HERC5: variants seen among roughly 807,000 people sequenced by gnomAD.
The protein encoded by HERC5 is HECT and RLD domain containing E3 ubiquitin protein ligase 5.
A neutral mutation model predicts 119.6 loss-of-function variants in HERC5; 99 were observed. The observed-to-expected ratio is 0.83, with a 90% confidence interval of 0.70 to 0.98. The LOEUF (loss-of-function observed/expected upper bound fraction) is 0.98. Among genes scored for constraint, HERC5 ranks in the 50% least tolerant of loss-of-function variants. The pLI, the probability that HERC5 is intolerant of heterozygous loss-of-function variation, is 0.00. For synonymous variants in HERC5, 478 were observed against 445.9 expected (o/e 1.07, Z -0.91); for missense variants, 1,267 against 1,241.3 (o/e 1.02, Z -0.31).
intron 13 of HERC5, among the ~76,000 whole-genome samples, chr4:88,481,875 C>T (rs1741287764): frequency 6.6e-6 from 1 of 152,146 alleles, no homozygotes; most frequent in Non-Finnish European, 1.5e-5. Context: ...AAATGGAGGC[C>T]TAAAAAGGTT....
chr4:88,466,282 A>AT (rs1300837002), intron 6 of HERC5, among the ~76,000 whole-genome samples: 1 of 152,028 alleles, frequency 6.6e-6, no homozygotes, highest in African/African-American at 2.4e-5. Flanking sequence ...GGGTCTCCTT[A>AT]TATTGGCCAG....
rs767942194 is a variant in HERC5, at chr4:88,457,485, C to T, written c.216C>T (p.Gly72=). 1.5e-6 allele frequency: 2 copies of T among 1,319,262 alleles called. No homozygotes were observed. The highest frequency in any genetic ancestry group is 1.9e-6 in the Non-Finnish European group (2 of 1,035,244). 81.7% of individuals were successfully genotyped at this position (1,319,262 alleles called of 1,614,324 possible). ...RLAVLERGGA[G]VQVHQLLAGS... is the part of the protein sequence containing the mutation. ...CGGTCTTGGAACGCGGCGGGGCGGG[C>T]GTCCAGGTTCACCAGCTGCTCGCCG... The change falls in exon 1 of 23, where the codon GGC becomes GGT. Residue 72 remains glycine (G), a synonymous_variant. Transcript: ENST00000264350.
At chr4:88,458,397 G>GTT (rs550662608) in intron 1 of HERC5, among the ~76,000 whole-genome samples, 4 of 145,726 alleles carry the variant, frequency 2.7e-5, no homozygotes, top group Admixed American at 6.9e-5. Flanking sequence ...TAATTTTAAG[G>GTT]TTTTTTTTTT....
intron 7 of HERC5, among the ~76,000 whole-genome samples, chr4:88,467,572 AC>A (rs1740716162): frequency 6.6e-6 from 1 of 152,120 alleles, no homozygotes; most frequent in South Asian, 2.1e-4. Context: ...GTCATATAAA[AC>A]CCTCAGAATA....
chr4:88,498,850 C>T (rs1741871609), intron 18 of HERC5, among the ~76,000 whole-genome samples: 1 of 152,194 alleles, frequency 6.6e-6, no homozygotes, highest in Non-Finnish European at 1.5e-5. Context: ...GGATTACAGG[C>T]GTGAGCCACT....
At position 88,459,401 on chromosome 4, in the gene HERC5, A is replaced by G. The variant is rs768048195; in HGVS notation, c.320A>G (p.Glu107Gly). ...ATACATTCCGTGGACCAAGGAGCAG[A>G]GCACATGCTGATTCTCTCATCAGAT... ...MKIHSVDQGAEHMLILSSDGK... is the reference protein window; with the variant it reads ...MKIHSVDQGAGHMLILSSDGK... Residue 107 changes from glutamate (E) to glycine (G), a missense_variant, in exon 2 of 23, where the codon GAG becomes GGG. By Grantham distance (98) the Glu-to-Gly change is moderately conservative. Coordinates refer to ENST00000264350, the MANE Select transcript of HERC5 (RefSeq NM_016323.4). 8.1e-6 allele frequency: 13 copies of G among 1,599,610 alleles called. No homozygotes were observed. In the South Asian group the frequency reaches 1.5e-4, roughly 18 times the overall value.
chr4:88,471,257 A>G (rs1274473878), intron 10 of HERC5, among the ~76,000 whole-genome samples: 7 of 152,046 alleles, frequency 4.6e-5, no homozygotes, highest in African/African-American at 7.2e-5. Flanking sequence ...GGTGTAAGCC[A>G]CCATGCCCAG....
At chr4:88,482,868 T>G (rs1358600658) in intron 13 of HERC5, among the ~76,000 whole-genome samples, 1 of 152,104 alleles carries the variant, frequency 6.6e-6, no homozygotes, top group African/African-American at 2.4e-5. Context: ...TGGCCTAAAG[T>G]GATCTGCCTG....
chr4:88,465,593 C>T (rs1454610695), intron 6 of HERC5, among the ~76,000 whole-genome samples: 1 of 152,206 alleles, frequency 6.6e-6, no homozygotes, highest in African/African-American at 2.4e-5. Context: ...GCAGTCTTAT[C>T]ACCTCTTTGG....
chr4:88,468,385 G>C lies in HERC5; in HGVS notation c.1097G>C (p.Gly366Ala), dbSNP rs1740748070. The stretch of plus-strand genomic sequence containing the variant: ...GAAAAGGAGTTAATAATGATTGCTG[G>C]AGGGAATCAAAGCATTTTGCTCTGG... ...TSEKELIMIAGGNQSILLWIK... is the reference protein window; with the variant it reads ...TSEKELIMIAAGNQSILLWIK... The change falls in exon 8 of 23, where the codon GGA becomes GCA. Residue 366 changes from glycine to alanine, a missense_variant. Physicochemically the swap from Gly to Ala is moderately conservative, Grantham distance 60. Coordinates refer to ENST00000264350, the MANE Select transcript of HERC5 (RefSeq NM_016323.4). 1 of 1,612,014 alleles carries C rather than the reference G, an allele frequency of 6.2e-7. No homozygotes were observed. The highest frequency in any genetic ancestry group is 8.5e-7 in the Non-Finnish European group (1 of 1,178,860).
In HERC5 at chr4:88,462,220, T is replaced by C. The variant is rs746543320; in HGVS notation, c.552T>C (p.Ile184=). 2 of 1,614,206 alleles carry C rather than the reference T, an allele frequency of 1.2e-6. No individual in the cohort carries two copies. Among genetic ancestry groups the C allele is most frequent in the Non-Finnish European group, 1.7e-6 (2 of 1,180,034 alleles). Residue 184 remains isoleucine, a synonymous_variant, in exon 4 of 23, where the codon ATT becomes ATC. Coordinates refer to ENST00000264350, the MANE Select transcript of HERC5 (RefSeq NM_016323.4). ...TTCCCTCAACCACCACACCACAGATTGTGGAGCACCTCGCAGGAGTACCCT... is the reference window on the plus strand; with the variant it reads ...TTCCCTCAACCACCACACCACAGATCGTGGAGCACCTCGCAGGAGTACCCT... The part of the protein sequence containing the change: ...RKFPSTTTPQ[I]VEHLAGVPLA...
Position 88,457,651 on chromosome 4 carries a change from A to C in HERC5, c.265+117A>C, listed in dbSNP as rs1578459768. The stretch of plus-strand genomic sequence containing the variant: ...GGGAGGAGAGCCCAGAAGGCCGCAG[A>C]CGCGCGCCTGGCTCGGATAGTTTCG... On this transcript the variant is annotated intron_variant, in intron 1 of 22. Coordinates refer to ENST00000264350, the MANE Select transcript of HERC5 (RefSeq NM_016323.4). The C allele has an allele frequency of 1.7e-5, 18 of 1,084,332 alleles. No individual in the cohort carries two copies. In the East Asian group the frequency reaches 5.5e-4, roughly 33 times the overall value. The allele number at this position is 1,084,332 out of a possible 1,614,324, so 67.2% of individuals were successfully genotyped here. A position where few individuals can be genotyped will look rare whatever the true frequency, so the allele number is the denominator to read the frequency against.
At chr4:88,473,599 C>G (rs1740950877) in intron 11 of HERC5, 1 of 152,310 alleles carries the variant, frequency 6.6e-6, no homozygotes, top group East Asian at 1.9e-4. Context: ...TGGGACCCTA[C>G]AACACTTAGT....
At chr4:88,458,183 T>A in intron 1 of HERC5, 1 of 572,622 alleles carries the variant, frequency 1.7e-6, no homozygotes. Context: ...ATGGAAGAGG[T>A]ATTTGAATAT....
chr4:88,489,423 T>G (rs1741562989), intron 16 of HERC5, 87 bp downstream of exon 16: 1 of 1,215,930 alleles, frequency 8.2e-7, no homozygotes, highest in African/African-American at 1.5e-5. Flanking sequence ...AGAGAGGAAG[T>G]TATCTTCCTT....
Position 88,481,195 on chromosome 4 carries a change from T to C in HERC5, c.1737+1688T>C, listed in dbSNP as rs531371074. Among the ~76,000 whole-genome samples, 10 of 152,238 alleles carry C rather than the reference T, an allele frequency of 6.6e-5. No individual in the cohort carries two copies. In the South Asian group the frequency reaches 1.2e-3, roughly 19 times the overall value. ...AGCCTCCAAAGTAGCTTGGACTACA[T>C]GTGCAAGCCACCAAACCTTGCTAAT... On this transcript the variant is annotated intron_variant, in intron 13 of 22. Transcript: ENST00000264350.
chr4:88,467,938 T>C, intron 7 of HERC5: 1 of 939,866 alleles, frequency 1.1e-6, no homozygotes, highest in South Asian at 4.9e-5. Context: ...AAGCAGCATG[T>C]ATTATCTTTG....
In HERC5 at chr4:88,504,610, T is replaced by C; in HGVS notation, c.2869+13T>C. Reference sequence around the variant, plus strand: ...AAAAAATTCCTTGGTAAGTATTATATCAAGGAATAGATCTGTAATCGTATG... The same window carrying C: ...AAAAAATTCCTTGGTAAGTATTATACCAAGGAATAGATCTGTAATCGTATG... On this transcript the variant is annotated intron_variant, in intron 22 of 22. Transcript: ENST00000264350. The C allele has an allele frequency of 2.8e-6, 4 of 1,448,942 alleles. No individual in the cohort carries two copies. Among genetic ancestry groups the C allele is most frequent in the Non-Finnish European group, 3.7e-6 (4 of 1,070,204 alleles). The allele number at this position is 1,448,942 out of a possible 1,614,324, so 89.8% of individuals were successfully genotyped here. A position where few individuals can be genotyped will look rare whatever the true frequency, so the allele number is the denominator to read the frequency against.
At position 88,504,260 on chromosome 4, in the gene HERC5, T is replaced by C; in HGVS notation, c.2611T>C (p.Tyr871His). The change falls in exon 21 of 23, where the codon TAC becomes CAC. Residue 871 changes from tyrosine to histidine, a missense_variant. Around this residue, in one of 3 missense-constraint regions of HERC5, gnomAD observed 473 missense variants for 445.7 expected, o/e 1.06. Coordinates refer to ENST00000264350, the MANE Select transcript of HERC5 (RefSeq NM_016323.4). ...KRDYVSKYIN[Y>H]IFNDSVKAVY... ...AGACTATGTTTCTAAGTATATCAAT[T>C]ACATTTTCAACGACTCTGTAAAGGC... 6.2e-7 allele frequency: 1 copy of C among 1,606,068 alleles called. No homozygotes were observed. Among genetic ancestry groups the C allele is most frequent in the South Asian group, 1.1e-5 (1 of 90,192 alleles).
Sources: allele counts gnomAD v4.1 joint callset (sites outside exome capture counted in the v4.1 genomes callset), GRCh38; gene constraint gnomAD v4.1.1; regional missense constraint gnomAD v4.1.1; transcripts MANE v1.5; gene names NCBI Gene and HGNC (gene_info 2026-07-23, HGNC 2026-07-21).